SBF2: variants seen among roughly 807,000 people sequenced by gnomAD.
SBF2 encodes myotubularin-related protein 13.
In SBF2, 112 loss-of-function variants were observed where a neutral mutation model predicts 225.2. That is an observed-to-expected ratio of 0.50 (90% confidence interval 0.43 to 0.58). The LOEUF is 0.58. SBF2 is among the 20% of genes least tolerant of loss of function. The pLI is 0.00. For synonymous variants in SBF2, 763 were observed against 773.3 expected, an observed-to-expected ratio of 0.99 and a Z score of 0.22; for missense variants, 1,996 against 2,206.2, an observed-to-expected ratio of 0.90 and a Z score of 1.91.
chr11:9,809,236 C>A (rs999965898), intron 30 of SBF2: 1 of 441,026 alleles, frequency 2.3e-6, no homozygotes, highest in African/African-American at 2.0e-5. Context: ...GAGGCCGAGC[C>A]GGGCAGGTCA....
At chr11:10,266,738 GACC>G (rs1962031683) in intron 1 of SBF2, among the ~76,000 whole-genome samples, 1 of 152,176 alleles carries the variant, frequency 6.6e-6, no homozygotes, top group African/African-American at 2.4e-5. Context: ...GAGGGATATG[GACC>G]ACATTTCCCA....
chr11:10,171,625 T>A (rs972843606), intron 2 of SBF2, among the ~76,000 whole-genome samples: 1 of 152,218 alleles, frequency 6.6e-6, no homozygotes, highest in Non-Finnish European at 1.5e-5. Context: ...TTGCCTGGTT[T>A]TGGCATCATA....
At chr11:9,893,869 C>T (rs1191368711) in intron 17 of SBF2, among the ~76,000 whole-genome samples, 2 of 152,266 alleles carry the variant, frequency 1.3e-5, no homozygotes, top group Admixed American at 6.5e-5. Flanking sequence ...AGTAGTTGCT[C>T]CCTATATTTT....
chr11:10,074,340 A>G (rs572995324), intron 2 of SBF2, among the ~76,000 whole-genome samples: 17 of 152,182 alleles, frequency 1.1e-4, no homozygotes, highest in Non-Finnish European at 2.2e-4. Context: ...TACCAAAAAC[A>G]TAGATGTTGA....
intron 32 of SBF2, among the ~76,000 whole-genome samples, chr11:9,805,269 A>G (rs1853741774): frequency 1.3e-5 from 2 of 151,952 alleles, no homozygotes; most frequent in African/African-American, 4.8e-5. Flanking sequence ...AATTATATAC[A>G]TGGAATCATA....
At chr11:10,284,517 T>C (rs1963618010) in intron 1 of SBF2, among the ~76,000 whole-genome samples, 1 of 152,146 alleles carries the variant, frequency 6.6e-6, no homozygotes, top group African/African-American at 2.4e-5. Flanking sequence ...CCCTTCTTTC[T>C]ATATAATTCA....
chr11:9,946,789 CACTT>C (rs960845306), intron 16 of SBF2, among the ~76,000 whole-genome samples: 6 of 152,266 alleles, frequency 3.9e-5, no homozygotes, highest in Admixed American at 6.5e-5. Flanking sequence ...GTATAACAAA[CACTT>C]AATACAATTT....
At chr11:9,997,473 T>C (rs1303576786) in intron 9 of SBF2, among the ~76,000 whole-genome samples, 1 of 152,116 alleles carries the variant, frequency 6.6e-6, no homozygotes, top group Non-Finnish European at 1.5e-5. Flanking sequence ...TTTCTATTCA[T>C]ATGGCATTAA....
At chr11:9,938,665 T>C (rs971869740) in intron 16 of SBF2, among the ~76,000 whole-genome samples, 4 of 152,186 alleles carry the variant, frequency 2.6e-5, no homozygotes, top group African/African-American at 4.8e-5. Flanking sequence ...AATTATTTAA[T>C]AAATTTTGCC....
intron 2 of SBF2, among the ~76,000 whole-genome samples, chr11:10,075,323 T>C (rs1951053342): frequency 6.6e-6 from 1 of 152,262 alleles, no homozygotes; most frequent in African/African-American, 2.4e-5. Context: ...AAGTGATTAA[T>C]AAACACTGTT....
In SBF2 at chr11:10,254,900, C is replaced by CAAAAAAAAA. The variant is rs71034757; in HGVS notation, c.55+39106_55+39114dup. 8.2e-4 allele frequency among the ~76,000 whole-genome samples: 36 copies of CAAAAAAAAA among 44,068 alleles called. 4 individuals carry two copies. Among genetic ancestry groups the CAAAAAAAAA allele is most frequent in the African/African-American group, 1.3e-3 (14 of 10,550 alleles). The allele number at this position is 44,068 out of a possible 152,430, so 28.9% of individuals were successfully genotyped here. A position where few individuals can be genotyped will look rare whatever the true frequency, so the allele number is the denominator to read the frequency against. Reference sequence around the variant, plus strand: ...TGGGTGACAGAGTGAGACTCTGTCTCAAAAAAAAAAAAAAAAAAAAAAAAA... The same window carrying CAAAAAAAAA: ...TGGGTGACAGAGTGAGACTCTGTCTCAAAAAAAAAAAAAAAAAAAAAAAAAAAAAAAAAA... On this transcript the variant is annotated intron_variant, in intron 1 of 39. Transcript: ENST00000256190.
At chr11:9,836,246 T>C (rs1370084723) in intron 26 of SBF2, among the ~76,000 whole-genome samples, 1 of 152,190 alleles carries the variant, frequency 6.6e-6, no homozygotes, top group Non-Finnish European at 1.5e-5. Context: ...TTTAAGCTTA[T>C]TTGCTTTAAC....
At chr11:10,232,373 A>G (rs1958894108) in intron 1 of SBF2, among the ~76,000 whole-genome samples, 1 of 152,024 alleles carries the variant, frequency 6.6e-6, no homozygotes, top group Admixed American at 6.6e-5. Flanking sequence ...TTGGAAATGC[A>G]TAAATCACCC....
chr11:9,840,643 C>T (rs1856066153), intron 25 of SBF2, among the ~76,000 whole-genome samples: 1 of 152,188 alleles, frequency 6.6e-6, no homozygotes, highest in African/African-American at 2.4e-5. Flanking sequence ...AATCACTATA[C>T]AAACTCATCA....
At chr11:10,246,915 A>G (rs1959857742) in intron 1 of SBF2, among the ~76,000 whole-genome samples, 1 of 152,158 alleles carries the variant, frequency 6.6e-6, no homozygotes, top group Non-Finnish European at 1.5e-5. Context: ...TCTCTACAAA[A>G]AATTTACAAA....
At chr11:10,291,496 A>T (rs1964153905) in intron 1 of SBF2, among the ~76,000 whole-genome samples, 1 of 152,186 alleles carries the variant, frequency 6.6e-6, no homozygotes, top group Non-Finnish European at 1.5e-5. Flanking sequence ...ACTAAGGCAA[A>T]TAGTAACAGA....
At chr11:10,013,264 T>A (rs1411984182) in intron 6 of SBF2, among the ~76,000 whole-genome samples, 1 of 152,236 alleles carries the variant, frequency 6.6e-6, no homozygotes, top group Non-Finnish European at 1.5e-5. Flanking sequence ...CTTTTACCGA[T>A]AATGATGCCA....
At chr11:10,049,730 C>G (rs533725950) in intron 2 of SBF2, among the ~76,000 whole-genome samples, 28 of 152,256 alleles carry the variant, frequency 1.8e-4, no homozygotes, top group Non-Finnish European at 1.5e-5. Context: ...AGTATGGGAA[C>G]TGCTATTTTA....
chr11:10,101,129 T>C (rs1952282841), intron 2 of SBF2, among the ~76,000 whole-genome samples: 1 of 152,134 alleles, frequency 6.6e-6, no homozygotes, highest in Non-Finnish European at 1.5e-5. Context: ...CAGAGAACCC[T>C]CCTTATTTGT....
Sources: allele counts gnomAD v4.1 joint callset (sites outside exome capture counted in the v4.1 genomes callset), GRCh38; gene constraint gnomAD v4.1.1; transcripts MANE v1.5; gene names NCBI Gene and HGNC (gene_info 2026-07-23, HGNC 2026-07-21).